MACROD2: variants seen among roughly 807,000 people sequenced by gnomAD.
The protein encoded by MACROD2 is ADP-ribose glycohydrolase MACROD2.
MACROD2 carries 36 observed loss-of-function variants against 70.4 expected under a neutral mutation model. The ratio of observed to expected loss-of-function variants is 0.51; its 90% CI spans 0.39 to 0.68. The LOEUF (loss-of-function observed/expected upper bound fraction) is 0.68. Among genes scored for constraint, MACROD2 ranks in the 30% least tolerant of loss-of-function variants. MACROD2 has a pLI of 0.00. For missense variants in MACROD2, 496 were observed against 538.4 expected (o/e 0.92, Z 0.78); for synonymous variants, 172 against 178.8 (o/e 0.96, Z 0.30).
chr20:15,274,297 G>A (rs2077371759), intron 6 of MACROD2, among the ~76,000 whole-genome samples: 1 of 152,206 alleles, frequency 6.6e-6, no homozygotes, highest in Non-Finnish European at 1.5e-5. Flanking sequence ...CTGAGGCTGT[G>A]TTTTGAACTC....
chr20:14,077,538 A>G (rs967696775), intron 2 of MACROD2, among the ~76,000 whole-genome samples: 1 of 152,218 alleles, frequency 6.6e-6, no homozygotes, highest in Non-Finnish European at 1.5e-5. Context: ...GTGAGGAGAA[A>G]CAACTCTGTA....
intron 3 of MACROD2, among the ~76,000 whole-genome samples, chr20:14,283,109 C>T (rs1388021460): frequency 6.6e-6 from 1 of 152,168 alleles, no homozygotes; most frequent in Non-Finnish European, 1.5e-5. Flanking sequence ...ATGATACAAC[C>T]TTTTCTGACA....
chr20:14,357,144 A>G (rs2083179985), intron 3 of MACROD2, among the ~76,000 whole-genome samples: 2 of 152,338 alleles, frequency 1.3e-5, no homozygotes, highest in South Asian at 4.1e-4. Flanking sequence ...AGTGTTGGGC[A>G]CATTGTAAGA....
chr20:15,671,924 T>G (rs984390829), intron 8 of MACROD2, among the ~76,000 whole-genome samples: 1 of 152,230 alleles, frequency 6.6e-6, no homozygotes, highest in Non-Finnish European at 1.5e-5. Context: ...CCTTATCAAC[T>G]GAAAATATTG....
At chr20:14,120,566 T>C (rs1271562266) in intron 3 of MACROD2, among the ~76,000 whole-genome samples, 7 of 151,764 alleles carry the variant, frequency 4.6e-5, no homozygotes, top group African/African-American at 1.7e-4. Flanking sequence ...TAAAGACACA[T>C]GCATGTGTAT....
chr20:14,540,691 A>G (rs1000606764), intron 4 of MACROD2, among the ~76,000 whole-genome samples: 5 of 152,212 alleles, frequency 3.3e-5, no homozygotes, highest in Non-Finnish European at 7.3e-5. Context: ...AGATGTTGCC[A>G]TAATCCCTTT....
At chr20:16,020,096 C>T (rs1257002256) in intron 15 of MACROD2, among the ~76,000 whole-genome samples, 2 of 152,206 alleles carry the variant, frequency 1.3e-5, no homozygotes, top group Non-Finnish European at 2.9e-5. Context: ...CCCTGGCTGA[C>T]TGAAACTTCC....
intron 2 of MACROD2, among the ~76,000 whole-genome samples, chr20:14,081,042 A>G (rs1043460832): frequency 3.3e-5 from 5 of 152,220 alleles, no homozygotes; most frequent in African/African-American, 1.2e-4. Context: ...TTTCTTGTCT[A>G]GGCCCCATTC....
At chr20:15,516,258 TC>T (rs1252122755) in intron 8 of MACROD2, among the ~76,000 whole-genome samples, 2 of 152,206 alleles carry the variant, frequency 1.3e-5, no homozygotes, top group African/African-American at 2.4e-5. Flanking sequence ...GTCATGTATT[TC>T]CATATGTAAC....
intron 3 of MACROD2, among the ~76,000 whole-genome samples, chr20:14,445,795 C>T (rs1157547463): frequency 1.3e-5 from 2 of 152,130 alleles, no homozygotes; most frequent in East Asian, 3.8e-4. Context: ...TGCCGTAATA[C>T]ATAATTCTCC....
chr20:14,932,210 G>A (rs946717939), intron 5 of MACROD2, among the ~76,000 whole-genome samples: 7 of 152,072 alleles, frequency 4.6e-5, no homozygotes, highest in Non-Finnish European at 7.4e-5. Flanking sequence ...GGGAGTTCTT[G>A]TTAGAGGTTT....
intron 3 of MACROD2, among the ~76,000 whole-genome samples, chr20:14,370,875 T>C (rs1463723178): frequency 6.6e-6 from 1 of 152,202 alleles, no homozygotes; most frequent in Non-Finnish European, 1.5e-5. Context: ...TGGTAGCACA[T>C]TAAAACATTA....
chr20:15,806,265 A>G (rs904367560), intron 8 of MACROD2, among the ~76,000 whole-genome samples: 9 of 152,206 alleles, frequency 5.9e-5, no homozygotes, highest in East Asian at 1.9e-4. Context: ...AATCTGTTTA[A>G]CAATTGGTGG....
At chr20:14,929,912 A>G (rs561495572) in intron 5 of MACROD2, among the ~76,000 whole-genome samples, 134 of 152,272 alleles carry the variant, frequency 8.8e-4, no homozygotes, top group African/African-American at 3.1e-3. Flanking sequence ...CTGTAATCCC[A>G]GCACTTTGGG....
chr20:14,052,969 T>G (rs2053587421), intron 2 of MACROD2: 1 of 151,930 alleles, frequency 6.6e-6, no homozygotes, highest in South Asian at 2.1e-4. Flanking sequence ...CAAGGTAAAG[T>G]AAGTGAAATG....
intron 5 of MACROD2, among the ~76,000 whole-genome samples, chr20:15,017,108 C>G (rs1271408428): frequency 1.3e-5 from 2 of 152,158 alleles, no homozygotes; most frequent in African/African-American, 2.4e-5. Flanking sequence ...AGTCCAAAGT[C>G]TCATCTGAGA....
intron 8 of MACROD2, among the ~76,000 whole-genome samples, chr20:15,856,878 A>C (rs1943122407): frequency 6.6e-6 from 1 of 152,220 alleles, no homozygotes; most frequent in Admixed American, 6.5e-5. Context: ...AAACTTTAGG[A>C]AGTTAACCAA....
At chr20:15,011,498 C>T (rs530647170) in intron 5 of MACROD2, among the ~76,000 whole-genome samples, 3 of 152,268 alleles carry the variant, frequency 2.0e-5, no homozygotes, top group South Asian at 2.1e-4. Context: ...TGTGAGGCTC[C>T]GTGATGGGAA....
chr20:14,227,467 G>A (rs967115229), intron 3 of MACROD2, among the ~76,000 whole-genome samples: 1 of 151,570 alleles, frequency 6.6e-6, no homozygotes, highest in Non-Finnish European at 1.5e-5. Flanking sequence ...CGGGAGGAAC[G>A]AACAACTCCA....
Sources: gnomAD v4.1 joint callset for allele counts (sites outside exome capture counted in the v4.1 genomes callset) on GRCh38, gnomAD v4.1.1 for gene constraint, MANE v1.5 for transcripts, NCBI Gene and HGNC (gene_info 2026-07-23, HGNC 2026-07-21) for gene names.